Variants in CAST observed in about 807,000 individuals in gnomAD.
CAST encodes MIR583 host.
Under a neutral mutation model 119.6 loss-of-function variants are expected in CAST, and 76 were observed. That is an observed-to-expected ratio of 0.64 (90% CI 0.53 to 0.77). The LOEUF (loss-of-function observed/expected upper bound fraction) is 0.77, where lower values mean the gene tolerates loss of function less well. CAST is among the 30% of genes least tolerant of loss of function. CAST has a pLI of 0.00. For missense variants in CAST, 953 were observed against 946.5 expected, an observed-to-expected ratio of 1.01 and a Z score of -0.09; for synonymous variants, 319 against 331.6, an observed-to-expected ratio of 0.96 and a Z score of 0.41.
the CAST span, among the ~76,000 whole-genome samples, chr5:96,220,432 G>T: frequency 1.3e-5 from 2 of 152,274 alleles, no homozygotes; most frequent in East Asian, 1.9e-4. Context: ...GTAAAGAATA[G>T]AATATTTTAA....
intron 2 of CAST, among the ~76,000 whole-genome samples, chr5:96,694,970 A>T (rs1346570445): frequency 6.6e-6 from 1 of 152,162 alleles, no homozygotes; most frequent in Non-Finnish European, 1.5e-5. Context: ...TATTTAATGA[A>T]GTGTTTTTCT....
the CAST span, among the ~76,000 whole-genome samples, chr5:96,099,766 G>C: frequency 6.6e-6 from 1 of 152,178 alleles, no homozygotes; most frequent in African/African-American, 2.4e-5. Context: ...TGTTCATCAA[G>C]GATATTCGCC....
the CAST span, among the ~76,000 whole-genome samples, chr5:96,203,986 T>C: frequency 6.6e-6 from 1 of 152,014 alleles, no homozygotes; most frequent in Admixed American, 6.6e-5. Context: ...AAGCTAATTA[T>C]GAGTAGGGTT....
chr5:96,220,689 C>T, the CAST span, among the ~76,000 whole-genome samples: 6 of 152,294 alleles, frequency 3.9e-5, no homozygotes, highest in East Asian at 1.9e-4. Flanking sequence ...ATATTTGTGA[C>T]GAGTAAGTGA....
At chr5:96,102,405 C>A in the CAST span, among the ~76,000 whole-genome samples, 1 of 152,138 alleles carries the variant, frequency 6.6e-6, no homozygotes, top group African/African-American at 2.4e-5. Context: ...CACCTCCAGT[C>A]GAGCCAGTTC....
At chr5:96,215,891 T>C in the CAST span, among the ~76,000 whole-genome samples, 1 of 152,222 alleles carries the variant, frequency 6.6e-6, no homozygotes, top group African/African-American at 2.4e-5. Flanking sequence ...CACTGCAACC[T>C]CTGCCTCTCG....
the CAST span, among the ~76,000 whole-genome samples, chr5:96,378,244 C>T: frequency 6.6e-6 from 1 of 152,082 alleles, no homozygotes; most frequent in Non-Finnish European, 1.5e-5. Flanking sequence ...TTCTGGAGCT[C>T]TAACGTACAG....
At chr5:96,160,144 G>GA in the CAST span, among the ~76,000 whole-genome samples, 513 of 141,070 alleles carry the variant, frequency 3.6e-3, 3 homozygotes, top group African/African-American at 0.012. Context: ...CGTCGCAAAA[G>GA]AAAAAAAAAA....
At chr5:96,042,833 A>G in the CAST span, among the ~76,000 whole-genome samples, 1 of 152,196 alleles carries the variant, frequency 6.6e-6, no homozygotes, top group Non-Finnish European at 1.5e-5. Flanking sequence ...CAGAAGTATA[A>G]TTAAATAATG....
intron 1 of CAST, among the ~76,000 whole-genome samples, chr5:96,633,826 T>G (rs562112421): frequency 6.6e-6 from 1 of 152,358 alleles, no homozygotes; most frequent in African/African-American, 2.4e-5. Flanking sequence ...AGGTTCAGCT[T>G]CACCCAGAAA....
chr5:96,680,216 G>A (rs748649856), intron 2 of CAST, among the ~76,000 whole-genome samples: 43 of 151,304 alleles, frequency 2.8e-4, no homozygotes, highest in Middle Eastern at 3.4e-3. Context: ...AGGCGTGGTC[G>A]TGGGTGTGGG....
At chr5:96,105,612 T>G in the CAST span, among the ~76,000 whole-genome samples, 1 of 152,308 alleles carries the variant, frequency 6.6e-6, no homozygotes, top group African/African-American at 2.4e-5. Context: ...ATAAGCTTTT[T>G]GATGTGCTGC....
intron 14 of CAST, 28 bp from the exon 15 acceptor site, chr5:96,741,466 G>A (rs1300983002): frequency 6.4e-7 from 1 of 1,570,860 alleles, no homozygotes; most frequent in East Asian, 2.2e-5. Flanking sequence ...TCATCTGTAA[G>A]TCTAATCTTT....
the CAST span, among the ~76,000 whole-genome samples, chr5:96,027,705 A>T: frequency 6.6e-6 from 1 of 152,206 alleles, no homozygotes; most frequent in Middle Eastern, 3.2e-3. Context: ...ATGGAAATTA[A>T]CAAGAACATT....
chr5:96,526,569 A>G (rs1422893776), upstream of CAST, among the ~76,000 whole-genome samples: 6 of 152,236 alleles, frequency 3.9e-5, no homozygotes, highest in South Asian at 1.2e-3. Flanking sequence ...TTTGTTCTCA[A>G]TTTCCTTTAC....
the CAST span, among the ~76,000 whole-genome samples, chr5:96,286,981 T>G: frequency 6.6e-6 from 1 of 152,168 alleles, no homozygotes; most frequent in South Asian, 2.1e-4. Flanking sequence ...ATACTTATGT[T>G]GAAAAGTAGA....
the CAST span, among the ~76,000 whole-genome samples, chr5:96,371,804 G>A: frequency 6.6e-6 from 1 of 152,046 alleles, no homozygotes; most frequent in Non-Finnish European, 1.5e-5. Context: ...CTGAAAATGG[G>A]ATTAAAAATC....
chr5:96,127,603 A>G, the CAST span, among the ~76,000 whole-genome samples: 1 of 152,202 alleles, frequency 6.6e-6, no homozygotes, highest in East Asian at 1.9e-4. Flanking sequence ...TGGTCTTTCT[A>G]CAGAATATTA....
At chr5:96,261,333 G>A in the CAST span, among the ~76,000 whole-genome samples, 1 of 152,200 alleles carries the variant, frequency 6.6e-6, no homozygotes, top group Non-Finnish European at 1.5e-5. Flanking sequence ...TCTGTTTTCT[G>A]AGAAAGAAAC....
Sources: gnomAD v4.1 joint callset for allele counts (sites outside exome capture counted in the v4.1 genomes callset) on GRCh38, gnomAD v4.1.1 for gene constraint, MANE v1.5 for transcripts, NCBI Gene and HGNC (gene_info 2026-07-23, HGNC 2026-07-21) for gene names.